Variants in MYT1L observed in about 807,000 individuals in gnomAD.
MYT1L encodes myelin transcription factor 1 like.
MYT1L carries 12 observed loss-of-function variants against 126.7 expected under a neutral mutation model. The observed-to-expected ratio is 0.09, with a 90% CI of 0.06 to 0.15. The LOEUF is 0.15. Among genes scored for constraint, MYT1L ranks in the 10% least tolerant of loss-of-function variants. The probability of loss-of-function intolerance (pLI) is 1.00; values close to 1 mark genes in which losing one functional copy is unlikely to be tolerated. For synonymous variants in MYT1L, 541 were observed against 604.2 expected (o/e 0.90, Z 1.53); for missense variants, 979 against 1,585.2 (o/e 0.62, Z 6.49).
intron 4 of MYT1L, among the ~76,000 whole-genome samples, chr2:1,997,934 A>G (rs2062012699): frequency 6.6e-6 from 1 of 152,186 alleles, no homozygotes; most frequent in South Asian, 2.1e-4. Flanking sequence ...TTATGAATAA[A>G]GATACTGATA....
chr2:1,820,064 G>T (rs914836975), intron 21 of MYT1L, among the ~76,000 whole-genome samples: 1 of 151,962 alleles, frequency 6.6e-6, no homozygotes, highest in Admixed American at 6.5e-5. Context: ...TGGCAGAGGG[G>T]CCTGGGGGAG....
intron 3 of MYT1L, among the ~76,000 whole-genome samples, chr2:2,140,699 C>T (rs2083845596): frequency 6.6e-6 from 1 of 152,028 alleles, no homozygotes; most frequent in Non-Finnish European, 1.5e-5. Context: ...TCTCAAAGTG[C>T]TGGGATTACA....
chr2:2,135,297 G>A (rs1182590433), intron 3 of MYT1L, among the ~76,000 whole-genome samples: 2 of 152,038 alleles, frequency 1.3e-5, no homozygotes, highest in Admixed American at 6.5e-5. Context: ...TTTTATAAAG[G>A]GGATTTTCCC....
chr2:2,078,655 T>C (rs577579180), intron 3 of MYT1L, among the ~76,000 whole-genome samples: 2 of 152,290 alleles, frequency 1.3e-5, no homozygotes, highest in Non-Finnish European at 2.9e-5. Context: ...TATAAACATA[T>C]GTGCATCTAA....
At chr2:1,835,476 G>T (rs1310184602) in intron 21 of MYT1L, among the ~76,000 whole-genome samples, 1 of 152,224 alleles carries the variant, frequency 6.6e-6, no homozygotes, top group African/African-American at 2.4e-5. Flanking sequence ...AAAATTGTAA[G>T]TTGAGGACCA....
intron 18 of MYT1L, among the ~76,000 whole-genome samples, chr2:1,880,257 C>T (rs1316589940): frequency 2.6e-5 from 4 of 152,212 alleles, no homozygotes; most frequent in Non-Finnish European, 5.9e-5. Flanking sequence ...AATATGCTGA[C>T]GCTGCCAAAG....
intron 3 of MYT1L, among the ~76,000 whole-genome samples, chr2:2,166,656 C>T (rs1295898052): frequency 2.6e-5 from 4 of 152,158 alleles, no homozygotes; most frequent in Non-Finnish European, 4.4e-5. Context: ...TACTCTTTCA[C>T]GTTTCTTTTA....
At chr2:1,841,573 G>T in intron 19 of MYT1L, 1 of 152,300 alleles carries the variant, frequency 6.6e-6, no homozygotes, top group East Asian at 1.9e-4. Flanking sequence ...ACTGGGGTGG[G>T]CTAGGATGCT....
chr2:2,220,479 C>T (rs566178372), intron 2 of MYT1L, among the ~76,000 whole-genome samples: 28 of 152,092 alleles, frequency 1.8e-4, no homozygotes, highest in Non-Finnish European at 4.1e-4. Flanking sequence ...CTCATAGTGG[C>T]TGCCCTTAGA....
intron 19 of MYT1L, among the ~76,000 whole-genome samples, chr2:1,847,978 A>G (rs975949529): frequency 9.2e-5 from 14 of 152,192 alleles, no homozygotes; most frequent in Non-Finnish European, 1.3e-4. Context: ...TCCTAGGCTC[A>G]TGGGGCTGCC....
chr2:1,892,314 C>A, intron 14 of MYT1L, 27 bp from the exon 15 acceptor site: 1 of 1,542,188 alleles, frequency 6.5e-7, no homozygotes, highest in Non-Finnish European at 8.8e-7. Context: ...AGGGATGACT[C>A]AGGCCCCGGC....
chr2:2,207,640 T>G (rs1223221645), intron 2 of MYT1L, among the ~76,000 whole-genome samples: 1 of 152,304 alleles, frequency 6.6e-6, no homozygotes, highest in African/African-American at 2.4e-5. Flanking sequence ...TAACTAACTG[T>G]TGACAATTAT....
intron 18 of MYT1L, among the ~76,000 whole-genome samples, chr2:1,878,704 T>TC (rs1270543201): frequency 4.6e-5 from 7 of 152,174 alleles, no homozygotes; most frequent in Non-Finnish European, 8.8e-5. Flanking sequence ...CCCAGAAAGC[T>TC]CCATCGGGCA....
chr2:2,232,017 TAAC>T (rs1420678176), intron 2 of MYT1L, among the ~76,000 whole-genome samples: 2 of 152,200 alleles, frequency 1.3e-5, no homozygotes, highest in Admixed American at 1.3e-4. Context: ...CAAAACCACT[TAAC>T]AATAAAGGAA....
At position 2,299,270 on chromosome 2, in the gene MYT1L, G is replaced by A. The variant is rs187603291; in HGVS notation, c.-520-14767C>T. ...GGGGGAGCACCCATCAATATGTGGA[G>A]ATCCTGGCTCTACCTGACAGCAGCC... is the stretch of plus-strand genomic sequence containing the variant. On this transcript the variant is annotated intron_variant, in intron 1 of 24. Coordinates refer to ENST00000647738, the MANE Select transcript of MYT1L (RefSeq NM_001303052.2). Among the ~76,000 whole-genome samples, 3 of 152,364 alleles carry A rather than the reference G, an allele frequency of 2.0e-5. No homozygotes were observed. The East Asian group carries it at 5.8e-4, about 29-fold the overall frequency.
At chr2:1,845,170 C>T (rs779390702) in intron 19 of MYT1L, among the ~76,000 whole-genome samples, 2 of 151,988 alleles carry the variant, frequency 1.3e-5, no homozygotes, top group African/African-American at 2.4e-5. Flanking sequence ...GTAGAGATGA[C>T]GTTTCATCAT....
intron 4 of MYT1L, among the ~76,000 whole-genome samples, chr2:2,045,029 T>G (rs1470286037): frequency 6.6e-6 from 1 of 152,154 alleles, no homozygotes; most frequent in African/African-American, 2.4e-5. Context: ...TCCATTTCCA[T>G]GTAAATGAGG....
chr2:2,234,526 C>T (rs1196424685), intron 2 of MYT1L, among the ~76,000 whole-genome samples: 2 of 152,186 alleles, frequency 1.3e-5, no homozygotes, highest in Non-Finnish European at 2.9e-5. Flanking sequence ...AAGAAGGTTA[C>T]AGACAAAGAC....
chr2:2,084,485 G>T (rs1444404970), intron 3 of MYT1L, among the ~76,000 whole-genome samples: 1 of 152,196 alleles, frequency 6.6e-6, no homozygotes, highest in African/African-American at 2.4e-5. Context: ...CCTTGTGTTT[G>T]CTTTGACTGG....
Sources: gnomAD v4.1 joint callset for allele counts (sites outside exome capture counted in the v4.1 genomes callset) on GRCh38, gnomAD v4.1.1 for gene constraint, MANE v1.5 for transcripts, NCBI Gene and HGNC (gene_info 2026-07-23, HGNC 2026-07-21) for gene names.